The following IPO11 variants were observed in gnomAD, a reference collection of about 807,000 sequenced individuals.
IPO11 encodes importin-11.
In IPO11, 66 loss-of-function variants were observed where a neutral mutation model predicts 143.2. The ratio of observed to expected loss-of-function variants is 0.46; its 90% CI spans 0.38 to 0.57. The LOEUF (loss-of-function observed/expected upper bound fraction) is 0.57. IPO11 is among the 20% of genes least tolerant of loss of function. The pLI is 0.00. For synonymous variants in IPO11, 385 were observed against 377.8 expected (o/e 1.02, Z -0.22); for missense variants, 1,026 against 1,141.0 (o/e 0.90, Z 1.45).
intron 9 of IPO11, among the ~76,000 whole-genome samples, chr5:62,480,566 C>G (rs1746153463): frequency 6.6e-6 from 1 of 152,112 alleles, no homozygotes; most frequent in Non-Finnish European, 1.5e-5. Flanking sequence ...TTCTTCCTAT[C>G]CACGAGCATG....
intron 5 of IPO11, among the ~76,000 whole-genome samples, chr5:62,458,503 A>G (rs1277947670): frequency 6.6e-6 from 1 of 152,108 alleles, no homozygotes; most frequent in African/African-American, 2.4e-5. Flanking sequence ...GTTTTGCCAC[A>G]TTGGCCAGGC....
intron 1 of IPO11, among the ~76,000 whole-genome samples, chr5:62,424,745 A>G (rs186560124): frequency 9.9e-4 from 150 of 152,082 alleles, no homozygotes; most frequent in African/African-American, 3.5e-3. Flanking sequence ...CCCAATCTGA[A>G]TATTTGTTCT....
intron 20 of IPO11, among the ~76,000 whole-genome samples, chr5:62,520,719 T>TATA (rs1742176418): frequency 6.6e-6 from 1 of 152,258 alleles, no homozygotes; most frequent in African/African-American, 2.4e-5. Context: ...TTACATAGTG[T>TATA]ATATGTGCCA....
intron 1 of IPO11, among the ~76,000 whole-genome samples, chr5:62,430,679 A>AT (rs1325796091): frequency 4.0e-5 from 6 of 149,802 alleles, no homozygotes; most frequent in African/African-American, 1.5e-4. Context: ...TTAATTACTT[A>AT]ATTTTTTTTT....
At chr5:62,436,348 C>T (rs1476771511) in intron 1 of IPO11, among the ~76,000 whole-genome samples, 1 of 152,166 alleles carries the variant, frequency 6.6e-6, no homozygotes, top group Non-Finnish European at 1.5e-5. Flanking sequence ...GAACATTCTT[C>T]GGTCACAGAG....
At chr5:62,516,698 C>CT (rs1440647049) in intron 20 of IPO11, among the ~76,000 whole-genome samples, 4 of 151,824 alleles carry the variant, frequency 2.6e-5, no homozygotes, top group Non-Finnish European at 4.4e-5. Flanking sequence ...TCCCTGCTTT[C>CT]TTTTTTTTAC....
At chr5:62,511,713 A>G (rs6891755) in intron 19 of IPO11, among the ~76,000 whole-genome samples, 12 of 152,130 alleles carry the variant, frequency 7.9e-5, no homozygotes, top group African/African-American at 2.7e-4. Flanking sequence ...TAGTGAAGCT[A>G]TGAAGGTCTA....
At chr5:62,437,953 CT>C (rs1744301326) in intron 2 of IPO11, among the ~76,000 whole-genome samples, 1 of 152,132 alleles carries the variant, frequency 6.6e-6, no homozygotes, top group Non-Finnish European at 1.5e-5. Context: ...AAGTTTTTGA[CT>C]AATTAATCAA....
rs66748975 is a variant in IPO11 at position 62,568,574 on chromosome 5, C to CAAAAAAAAA, written c.2582+7332_2582+7340dup. Among the ~76,000 whole-genome samples, 54 of 51,888 alleles carry CAAAAAAAAA rather than the reference C, an allele frequency of 1.0e-3. 2 individuals are homozygous for CAAAAAAAAA. Among genetic ancestry groups the CAAAAAAAAA allele is most frequent in the East Asian group, 2.6e-3 (4 of 1,512 alleles). 34.0% of individuals were successfully genotyped at this position (51,888 alleles called of 152,430 possible). A position where few individuals can be genotyped will look rare whatever the true frequency, so the allele number is the denominator to read the frequency against. ...GGGCGACAGAGCAAGACTCTGTCTC[C>CAAAAAAAAA]AAAAAAAAAAAAAAAAAAAAAAATT... On this transcript the variant is annotated intron_variant, in intron 27 of 29. Transcript: ENST00000325324.
intron 26 of IPO11, among the ~76,000 whole-genome samples, chr5:62,555,351 A>G (rs1237324815): frequency 6.6e-6 from 1 of 151,698 alleles, no homozygotes; most frequent in Middle Eastern, 3.2e-3. Context: ...GTCTCACTCC[A>G]TCATCCAGGC....
chr5:62,538,560 G>C (rs916078941), intron 24 of IPO11, among the ~76,000 whole-genome samples: 3 of 152,168 alleles, frequency 2.0e-5, no homozygotes, highest in Non-Finnish European at 4.4e-5. Context: ...GCCCTGTGAA[G>C]AAGATGCCTT....
chr5:62,609,482 A>G (rs1039100271), intron 29 of IPO11, among the ~76,000 whole-genome samples: 1 of 152,236 alleles, frequency 6.6e-6, no homozygotes, highest in Admixed American at 6.5e-5. Context: ...GCCTAACAGC[A>G]TGTATGATGT....
intron 5 of IPO11, among the ~76,000 whole-genome samples, chr5:62,454,440 T>C (rs1333145926): frequency 1.3e-5 from 2 of 152,212 alleles, no homozygotes; most frequent in Non-Finnish European, 2.9e-5. Flanking sequence ...TATTAAAGGC[T>C]ACCAGTCTAT....
intron 7 of IPO11, among the ~76,000 whole-genome samples, chr5:62,473,357 GAGAAGGAAGGAA>G: frequency 6.6e-6 from 1 of 152,240 alleles, no homozygotes; most frequent in South Asian, 2.1e-4. Flanking sequence ...AAATGACAGA[GAGAAGGAAGGAA>G]ATTGACAGAG....
At chr5:62,517,776 C>A (rs1742076440) in intron 20 of IPO11, among the ~76,000 whole-genome samples, 1 of 152,150 alleles carries the variant, frequency 6.6e-6, no homozygotes, top group Admixed American at 6.5e-5. Flanking sequence ...TTTCAAGTCT[C>A]CTCAGGCAGT....
intron 9 of IPO11, among the ~76,000 whole-genome samples, chr5:62,480,246 T>C (rs1474281376): frequency 2.0e-5 from 3 of 152,180 alleles, no homozygotes; most frequent in African/African-American, 7.2e-5. Context: ...ATCAGATGGT[T>C]GTAGATGTGT....
rs764550731 is a variant in IPO11 at position 62,600,502 on chromosome 5, C to T, written c.2679-1262C>T. ...TCATTGCAGTTAGAATTCAGGTCTG[C>T]AACAGACATAAATTGGCTAGTGTAA... is the stretch of plus-strand genomic sequence containing the variant. On this transcript the variant is annotated intron_variant, in intron 28 of 29. Coordinates refer to ENST00000325324, the MANE Select transcript of IPO11 (RefSeq NM_016338.5). Among the ~76,000 whole-genome samples, 18 of 152,304 alleles carry T rather than the reference C, an allele frequency of 1.2e-4. No homozygotes were observed. In the East Asian group the frequency reaches 2.9e-3, roughly 24 times the overall value.
At chr5:62,513,869 C>A (rs1741891959) in intron 19 of IPO11, among the ~76,000 whole-genome samples, 1 of 149,340 alleles carries the variant, frequency 6.7e-6, no homozygotes. Flanking sequence ...CTCCTCACTT[C>A]TCAGACGGGG....
chr5:62,464,666 G>A (rs982537089), intron 5 of IPO11, among the ~76,000 whole-genome samples: 5 of 151,770 alleles, frequency 3.3e-5, no homozygotes, highest in Non-Finnish European at 7.4e-5. Context: ...TTTTTATAGA[G>A]ACCGTGTTTC....
Sources: allele counts gnomAD v4.1 joint callset (sites outside exome capture counted in the v4.1 genomes callset), GRCh38; gene constraint gnomAD v4.1.1; transcripts MANE v1.5; gene names NCBI Gene and HGNC (gene_info 2026-07-23, HGNC 2026-07-21).